Variants in NFASC observed in about 807,000 individuals in gnomAD.
NFASC encodes the protein neurofascin homolog.
A neutral mutation model predicts 147.5 loss-of-function variants in NFASC; 43 were observed. The observed-to-expected ratio is 0.29, with a 90% CI of 0.23 to 0.38. The LOEUF (loss-of-function observed/expected upper bound fraction) is 0.38. Ranked by LOEUF, NFASC falls within the 10% of genes least tolerant of loss-of-function variation. NFASC has a pLI of 1.00. For synonymous variants in NFASC, 622 were observed against 665.5 expected, an observed-to-expected ratio of 0.93 and a Z score of 1.01; for missense variants, 1,320 against 1,689.0, an observed-to-expected ratio of 0.78 and a Z score of 3.83.
At chr1:204,858,244 C>T (rs1381196852) in intron 1 of NFASC, among the ~76,000 whole-genome samples, 2 of 152,020 alleles carry the variant, frequency 1.3e-5, no homozygotes, top group African/African-American at 2.4e-5. Context: ...TATAAGGATG[C>T]CAGTCATATT....
intron 1 of NFASC, among the ~76,000 whole-genome samples, chr1:204,845,026 T>A (rs1459955472): frequency 6.6e-6 from 1 of 152,174 alleles, no homozygotes; most frequent in Non-Finnish European, 1.5e-5. Flanking sequence ...CTGGGGCCCA[T>A]TGTATGAGGG....
chr1:204,932,758 G>A (rs1461236084), intron 2 of NFASC, among the ~76,000 whole-genome samples: 6 of 152,182 alleles, frequency 3.9e-5, no homozygotes, highest in Admixed American at 6.5e-5. Context: ...CTATCTGGAC[G>A]TTTACAGATG....
intron 2 of NFASC, among the ~76,000 whole-genome samples, chr1:204,926,048 G>A (rs1486028783): frequency 1.3e-5 from 2 of 151,522 alleles, no homozygotes; most frequent in Non-Finnish European, 2.9e-5. Context: ...ATAGAGACCA[G>A]ACAGTTTGTG....
intron 1 of NFASC, among the ~76,000 whole-genome samples, chr1:204,900,125 AAAG>A (rs2084235671): frequency 6.6e-6 from 1 of 152,216 alleles, no homozygotes; most frequent in African/African-American, 2.4e-5. Flanking sequence ...AATATTGAAA[AAAG>A]AATCAGACAT....
chr1:204,984,273 A>T, intron 21 of NFASC: 2 of 641,556 alleles, frequency 3.1e-6, no homozygotes, highest in South Asian at 3.8e-5. Context: ...TGACTCAAGA[A>T]GATAATGTCT....
At chr1:204,955,929 G>A (rs1025260646) in intron 7 of NFASC, among the ~76,000 whole-genome samples, 3 of 152,182 alleles carry the variant, frequency 2.0e-5, no homozygotes, top group African/African-American at 7.2e-5. Flanking sequence ...GCAGGTTGAG[G>A]ATGGCTTTGT....
intron 11 of NFASC, among the ~76,000 whole-genome samples, chr1:204,972,860 G>T (rs965311893): frequency 2.0e-5 from 3 of 152,066 alleles, no homozygotes; most frequent in African/African-American, 7.2e-5. Flanking sequence ...AAAATCTCAG[G>T]TTATCTTCAC....
chr1:204,857,673 A>C (rs1259274495), intron 1 of NFASC, among the ~76,000 whole-genome samples: 2 of 152,164 alleles, frequency 1.3e-5, no homozygotes, highest in African/African-American at 2.4e-5. Flanking sequence ...AGGGATGTAC[A>C]CTGCTAGTAG....
intron 2 of NFASC, among the ~76,000 whole-genome samples, chr1:204,926,400 ATATATATTTTTTTTTTTTT>A (rs1350693833): frequency 0.22 from 6,365 of 29,478 alleles, 211 homozygotes; most frequent in Middle Eastern, 0.34. Flanking sequence ...ATATATATAT[ATATATATTTTTTTTTTTTT>A]TTTTTTTTTT....
At chr1:204,997,094 T>TG (rs2095860458) in intron 24 of NFASC, 76 bp from the exon 25 acceptor site, 1 of 1,551,688 alleles carries the variant, frequency 6.4e-7, no homozygotes, top group African/African-American at 1.4e-5. Flanking sequence ...CTGCCTGCCT[T>TG]GCACGCGGGG....
intron 3 of NFASC, chr1:204,947,041 G>T: frequency 2.9e-6 from 1 of 341,670 alleles, no homozygotes; most frequent in Non-Finnish European, 5.8e-6. Context: ...CCACCCTGGA[G>T]GAAAAGAGGA....
At chr1:204,898,510 A>G (rs565548429) in intron 1 of NFASC, among the ~76,000 whole-genome samples, 1 of 150,032 alleles carries the variant, frequency 6.7e-6, no homozygotes, top group African/African-American at 2.5e-5. Context: ...TATTTTTCTT[A>G]TCATTAAAGT....
chr1:204,964,033 A>T (rs1269324878), intron 8 of NFASC, among the ~76,000 whole-genome samples: 1 of 152,172 alleles, frequency 6.6e-6, no homozygotes, highest in Non-Finnish European at 1.5e-5. Flanking sequence ...CTGGTCTGAG[A>T]TTGTAACTTG....
chr1:204,974,318 C>T (rs1346689613), intron 13 of NFASC, 28 bp downstream of exon 13: 1 of 1,529,546 alleles, frequency 6.5e-7, no homozygotes, highest in African/African-American at 1.4e-5. Context: ...AGGCCTTCCA[C>T]AGCAGGGGTC....
chr1:204,983,484 T>C (rs1256010168), intron 21 of NFASC, among the ~76,000 whole-genome samples: 1 of 152,058 alleles, frequency 6.6e-6, no homozygotes, highest in African/African-American at 2.4e-5. Flanking sequence ...TGGACGGGGA[T>C]AGATGAGTCC....
intron 1 of NFASC, among the ~76,000 whole-genome samples, chr1:204,866,392 G>A (rs1250803006): frequency 1.3e-5 from 2 of 152,190 alleles, no homozygotes; most frequent in Admixed American, 6.5e-5. Context: ...GGCTTTTGGA[G>A]CTATGCCGAG....
At chr1:204,896,357 G>T (rs1430695812) in intron 1 of NFASC, among the ~76,000 whole-genome samples, 1 of 152,166 alleles carries the variant, frequency 6.6e-6, no homozygotes, top group Non-Finnish European at 1.5e-5. Flanking sequence ...GTTCTTTGAG[G>T]ACTAAGAAAA....
chr1:204,876,073 G>T (rs556018849), intron 1 of NFASC, among the ~76,000 whole-genome samples: 1 of 152,056 alleles, frequency 6.6e-6, no homozygotes, highest in Non-Finnish European at 1.5e-5. Flanking sequence ...TGAGGCATGG[G>T]GCGCTCTTGC....
intron 1 of NFASC, among the ~76,000 whole-genome samples, chr1:204,873,613 G>A (rs573637401): frequency 2.4e-4 from 37 of 152,168 alleles, no homozygotes; most frequent in Admixed American, 8.5e-4. Context: ...GGAAGGCTTC[G>A]TTCTTTACCT....
Sources: gnomAD v4.1 joint callset for allele counts (sites outside exome capture counted in the v4.1 genomes callset) on GRCh38, gnomAD v4.1.1 for gene constraint, MANE v1.5 for transcripts, NCBI Gene and HGNC (gene_info 2026-07-23, HGNC 2026-07-21) for gene names.